The following TNRC6B variants were observed in gnomAD, a reference collection of about 807,000 sequenced individuals.
TNRC6B encodes trinucleotide repeat-containing gene 6B protein.
A neutral mutation model predicts 203.6 loss-of-function variants in TNRC6B; 52 were observed. That is an observed-to-expected ratio of 0.26 (90% CI 0.20 to 0.32). The LOEUF (loss-of-function observed/expected upper bound fraction) is 0.32, where lower values mean the gene tolerates loss of function less well. TNRC6B is among the 10% of genes least tolerant of loss of function. TNRC6B has a pLI of 1.00. For missense variants in TNRC6B, 1,923 were observed against 2,286.2 expected (o/e 0.84, Z 3.24); for synonymous variants, 838 against 845.7 (o/e 0.99, Z 0.16).
intron 1 of TNRC6B, among the ~76,000 whole-genome samples, chr22:40,226,219 T>A (rs755508074): frequency 6.6e-6 from 1 of 152,202 alleles, no homozygotes; most frequent in African/African-American, 2.4e-5. Flanking sequence ...GACTTTCCAT[T>A]TTTACTATTC....
intron 1 of TNRC6B, among the ~76,000 whole-genome samples, chr22:40,083,796 T>C (rs916099277): frequency 1.3e-5 from 2 of 152,158 alleles, no homozygotes; most frequent in African/African-American, 2.4e-5. Context: ...GGTAGGTTTA[T>C]ACAACTGGTC....
At chr22:40,238,569 C>T in intron 1 of TNRC6B, among the ~76,000 whole-genome samples, 1 of 152,138 alleles carries the variant, frequency 6.6e-6, no homozygotes, top group Non-Finnish European at 1.5e-5. Flanking sequence ...ATACACCAAT[C>T]TCACTGATTG....
At chr22:40,280,835 A>G (rs1427928321) in intron 10 of TNRC6B, among the ~76,000 whole-genome samples, 1 of 152,224 alleles carries the variant, frequency 6.6e-6, no homozygotes, top group African/African-American at 2.4e-5. Flanking sequence ...AGTAATCAAT[A>G]TTAGATGCGT....
chr22:40,314,009 C>T (rs2146567768), intron 19 of TNRC6B, among the ~76,000 whole-genome samples: 1 of 152,132 alleles, frequency 6.6e-6, no homozygotes, highest in African/African-American at 2.4e-5. Flanking sequence ...CTACATTACA[C>T]TTTTGTAGGA....
chr22:40,093,338 G>A (rs1289007647), intron 1 of TNRC6B, among the ~76,000 whole-genome samples: 1 of 152,170 alleles, frequency 6.6e-6, no homozygotes. Context: ...AGAATTAGAA[G>A]GTTTCATATA....
intron 12 of TNRC6B, among the ~76,000 whole-genome samples, chr22:40,299,235 A>G (rs973871538): frequency 6.6e-6 from 1 of 150,590 alleles, no homozygotes. Flanking sequence ...CTCTAGAACT[A>G]AAGTCTTTTT....
In TNRC6B at chr22:40,328,724, A is replaced by G. The variant is rs2071431126; in HGVS notation, c.*5483A>G. 1.3e-5 allele frequency: 2 copies of G among 152,266 alleles called. No homozygotes were observed. Among genetic ancestry groups the G allele is most frequent in the Non-Finnish European group, 2.9e-5 (2 of 68,044 alleles). 9.4% of individuals were successfully genotyped at this position (152,266 alleles called of 1,614,324 possible). On this transcript the variant is annotated 3_prime_UTR_variant, in exon 23 of 23. Transcript: ENST00000454349. ...GCCTGTTTTTCTCTGCAGAGTAAAC[A>G]GGATGTTTTCAGCAGACTTGGCTCT...
intron 1 of TNRC6B, among the ~76,000 whole-genome samples, chr22:40,222,262 G>A (rs554725885): frequency 1.1e-4 from 16 of 152,276 alleles, no homozygotes; most frequent in Non-Finnish European, 1.6e-4. Flanking sequence ...ATCTTAAGTC[G>A]CCTCTGCGTA....
intron 3 of TNRC6B, among the ~76,000 whole-genome samples, chr22:40,254,347 T>C (rs866386357): frequency 6.6e-6 from 1 of 152,124 alleles, no homozygotes; most frequent in African/African-American, 2.4e-5. Flanking sequence ...GACATAGATA[T>C]TGAGCCTTGT....
intron 3 of TNRC6B, among the ~76,000 whole-genome samples, chr22:40,148,535 C>T (rs574997790): frequency 6.6e-6 from 1 of 151,972 alleles, no homozygotes; most frequent in Non-Finnish European, 1.5e-5. Flanking sequence ...GCCCGCCTTG[C>T]CCCCCACAAA....
intron 3 of TNRC6B, among the ~76,000 whole-genome samples, chr22:40,257,572 C>T (rs775555207): frequency 1.6e-4 from 24 of 151,732 alleles, no homozygotes; most frequent in African/African-American, 5.1e-4. Flanking sequence ...CAAAATTAGC[C>T]GGGTATGGTG....
chr22:40,072,410 G>A (rs1045937296), intron 1 of TNRC6B, among the ~76,000 whole-genome samples: 2 of 152,118 alleles, frequency 1.3e-5, no homozygotes, highest in African/African-American at 4.8e-5. Flanking sequence ...CAAGGATGTT[G>A]TTGACATTAT....
At chr22:40,067,685 A>G (rs567211444) in intron 1 of TNRC6B, among the ~76,000 whole-genome samples, 1 of 152,240 alleles carries the variant, frequency 6.6e-6, no homozygotes, top group South Asian at 2.1e-4. Flanking sequence ...TGGAGTTCTG[A>G]TGTTCAAGAG....
intron 1 of TNRC6B, among the ~76,000 whole-genome samples, chr22:40,080,311 C>T (rs914197232): frequency 6.6e-6 from 1 of 151,776 alleles, no homozygotes; most frequent in Non-Finnish European, 1.5e-5. Flanking sequence ...ATCCTTTCTC[C>T]ACTAATTCAA....
At chr22:40,111,355 G>A (rs2068333615) in intron 1 of TNRC6B, among the ~76,000 whole-genome samples, 1 of 152,206 alleles carries the variant, frequency 6.6e-6, no homozygotes, top group South Asian at 2.1e-4. Context: ...TCTACAGGGT[G>A]GTTGAGGCAC....
intron 4 of TNRC6B, among the ~76,000 whole-genome samples, chr22:40,264,410 A>G (rs1428518847): frequency 6.6e-6 from 1 of 152,174 alleles, no homozygotes; most frequent in African/African-American, 2.4e-5. Flanking sequence ...TGCCATTGCT[A>G]TTGCCTTGTC....
intron 1 of TNRC6B, among the ~76,000 whole-genome samples, chr22:40,078,783 G>T (rs1191334739): frequency 6.6e-5 from 10 of 151,642 alleles, no homozygotes; most frequent in Admixed American, 6.6e-4. Flanking sequence ...AGTAGAAACA[G>T]GGTTTCTTTG....
intron 3 of TNRC6B, among the ~76,000 whole-genome samples, chr22:40,148,038 G>A (rs2068710367): frequency 6.6e-6 from 1 of 152,088 alleles, no homozygotes; most frequent in Non-Finnish European, 1.5e-5. Flanking sequence ...ATGGCATATA[G>A]GTTATATCTC....
Position 40,321,092 on chromosome 22 carries a change from T to C in TNRC6B, c.4977T>C (p.Ile1659=). 6.2e-7 allele frequency: 1 copy of C among 1,613,970 alleles called. No homozygotes were observed. Among genetic ancestry groups the C allele is most frequent in the South Asian group, 1.1e-5 (1 of 91,084 alleles). Reference sequence around the variant, plus strand: ...TCATGAATGTCATTACTCCTTAGATTGATGGGTCAACCTTGAGAACGATCT... The same window carrying C: ...TCATGAATGTCATTACTCCTTAGATCGATGGGTCAACCTTGAGAACGATCT... ...WLVLHNLTPQ[I]DGSTLRTICM... is the part of the protein sequence containing the mutation. Residue 1659 remains isoleucine, a splice_region_variant and synonymous_variant, in exon 22 of 23, where the codon ATT becomes ATC. Transcript: ENST00000454349.
Sources: allele counts gnomAD v4.1 joint callset (sites outside exome capture counted in the v4.1 genomes callset), GRCh38; gene constraint gnomAD v4.1.1; transcripts MANE v1.5; gene names NCBI Gene and HGNC (gene_info 2026-07-23, HGNC 2026-07-21).